The following COL26A1 variants were observed in gnomAD, a reference collection of about 807,000 sequenced individuals.
The protein encoded by COL26A1 is collagen type XXVI alpha 1 chain, also known as collagen alpha-1(XXVI) chain.
In COL26A1, 41 loss-of-function variants were observed where a neutral mutation model predicts 59.3. The ratio of observed to expected loss-of-function variants is 0.69; its 90% CI spans 0.54 to 0.90. The LOEUF (loss-of-function observed/expected upper bound fraction) is 0.90. Among genes scored for constraint, COL26A1 ranks in the 40% least tolerant of loss-of-function variants. The pLI, the probability that COL26A1 is intolerant of heterozygous loss-of-function variation, is 0.00. For synonymous variants in COL26A1, 266 were observed against 256.0 expected (o/e 1.04, Z -0.37); for missense variants, 612 against 602.3 (o/e 1.02, Z -0.17).
At chr7:101,510,855 T>C (rs1794906121) in intron 3 of COL26A1, among the ~76,000 whole-genome samples, 1 of 151,900 alleles carries the variant, frequency 6.6e-6, no homozygotes. Flanking sequence ...CACAAGGTGA[T>C]TCAGAGCACT....
intron 12 of COL26A1, 106 bp downstream of exon 12, chr7:101,555,977 C>T (rs117290094): frequency 0.031 from 27,555 of 891,448 alleles, 571 homozygotes; most frequent in Middle Eastern, 0.045. Flanking sequence ...CCCTCCCTTG[C>T]CCCTAGTCTG....
chr7:101,553,281 C>G, intron 10 of COL26A1, 45 bp from the exon 11 acceptor site: 1 of 1,553,638 alleles, frequency 6.4e-7, no homozygotes, highest in South Asian at 1.1e-5. Flanking sequence ...TGGAGAGGTG[C>G]CCCCACCTCC....
chr7:101,494,083 G>A (rs1459261053), intron 3 of COL26A1, among the ~76,000 whole-genome samples: 14 of 147,896 alleles, frequency 9.5e-5, no homozygotes, highest in Admixed American at 8.8e-4. Flanking sequence ...GTGTGAATTC[G>A]ATTGGGAACG....
intron 3 of COL26A1, among the ~76,000 whole-genome samples, chr7:101,475,872 CTTTCTCTTTCTCTCTCTT>C (rs770835655): frequency 0.018 from 2,559 of 145,058 alleles, 33 homozygotes; most frequent in Non-Finnish European, 0.028. Context: ...CTCTCTCTTT[CTTTCTCTTTCTCTCTCTT>C]TCTTTCTCTC....
chr7:101,513,173 A>ATTTTTTTG lies in COL26A1; in HGVS notation c.386-19907_386-19900dup, dbSNP rs549110807. ...AGGCATGCGCCACCACACCCGGCTA[A>ATTTTTTTG]TTTTTTTGTATTTTTGTAGAGACAG... On this transcript the variant is annotated intron_variant, in intron 3 of 12. Transcript: ENST00000313669. Among the ~76,000 whole-genome samples, 364 of 151,106 alleles carry ATTTTTTTG rather than the reference A, an allele frequency of 2.4e-3. 2 individuals are homozygous for ATTTTTTTG. Among genetic ancestry groups the ATTTTTTTG allele is most frequent in the African/African-American group, 8.5e-3 (352 of 41,184 alleles).
intron 3 of COL26A1, among the ~76,000 whole-genome samples, chr7:101,481,444 C>CAA (rs1491416338): frequency 1.7e-5 from 2 of 117,092 alleles, no homozygotes; most frequent in African/African-American, 6.8e-5. Flanking sequence ...TAGAATCTCC[C>CAA]AAAATATATA....
intron 2 of COL26A1, among the ~76,000 whole-genome samples, chr7:101,428,374 G>A (rs998472386): frequency 7.0e-6 from 1 of 142,492 alleles, no homozygotes; most frequent in East Asian, 2.0e-4. Flanking sequence ...AAAAAAAAAA[G>A]GCAAAGAGAA....
intron 1 of COL26A1, among the ~76,000 whole-genome samples, chr7:101,376,474 CCATT>C (rs1791321813): frequency 6.6e-6 from 1 of 152,092 alleles, no homozygotes; most frequent in African/African-American, 2.4e-5. Context: ...AGAGGAGTCT[CCATT>C]CAAAGCAGGT....
intron 2 of COL26A1, among the ~76,000 whole-genome samples, chr7:101,431,164 T>C (rs1176016755): frequency 6.6e-6 from 1 of 152,212 alleles, no homozygotes; most frequent in Non-Finnish European, 1.5e-5. Flanking sequence ...CTATGTTGAA[T>C]AGGAGTGGTA....
intron 3 of COL26A1, among the ~76,000 whole-genome samples, chr7:101,481,714 G>T (rs978387073): frequency 5.3e-5 from 8 of 151,674 alleles, no homozygotes; most frequent in Middle Eastern, 3.5e-3. Flanking sequence ...GTCTCCCAAA[G>T]TGCTGGGATT....
At chr7:101,492,479 C>T (rs11769737) in intron 3 of COL26A1, among the ~76,000 whole-genome samples, 128 of 151,852 alleles carry the variant, frequency 8.4e-4, no homozygotes, top group Non-Finnish European at 1.8e-3. Context: ...GGAGGATCAC[C>T]TGAGGTCAGG....
intron 1 of COL26A1, among the ~76,000 whole-genome samples, chr7:101,375,475 C>G (rs1387525429): frequency 1.1e-4 from 16 of 151,990 alleles, no homozygotes; most frequent in Non-Finnish European, 1.6e-4. Context: ...GCATGAGGAT[C>G]ACTTGAGACC....
intron 3 of COL26A1, among the ~76,000 whole-genome samples, chr7:101,490,114 T>C (rs1324808239): frequency 2.6e-5 from 4 of 151,228 alleles, no homozygotes; most frequent in Non-Finnish European, 5.9e-5. Flanking sequence ...TTTTTGTATT[T>C]TTCAGTAGAG....
At chr7:101,376,153 A>AG (rs1554402541) in intron 1 of COL26A1, among the ~76,000 whole-genome samples, 96 of 144,354 alleles carry the variant, frequency 6.7e-4, no homozygotes, top group African/African-American at 2.4e-3. Context: ...AAAAAAAAAA[A>AG]GAATAGAAAC....
At chr7:101,495,431 T>C (rs1794563885) in intron 3 of COL26A1, among the ~76,000 whole-genome samples, 1 of 150,474 alleles carries the variant, frequency 6.6e-6, no homozygotes, top group Non-Finnish European at 1.5e-5. Context: ...TTTTTTAAGA[T>C]GGAGTCTCGC....
In COL26A1 at chr7:101,557,294, C is replaced by T. The variant is rs185180190; in HGVS notation, c.1166-76C>T. ...CTGGGCAAGAGCATCTCTCCGTGGCCACATATCATGATCAAATGTACCCCC... is the reference window on the plus strand; with the variant it reads ...CTGGGCAAGAGCATCTCTCCGTGGCTACATATCATGATCAAATGTACCCCC... On this transcript the variant is annotated intron_variant, in intron 12 of 12. Coordinates refer to ENST00000313669, the MANE Select transcript of COL26A1 (RefSeq NM_001278563.3). 38 of 1,464,220 alleles carry T rather than the reference C, an allele frequency of 2.6e-5. No individual in the cohort carries two copies. The African/African-American group carries it at 5.1e-4, about 20-fold the overall frequency. The allele number at this position is 1,464,220 out of a possible 1,614,324, so 90.7% of individuals were successfully genotyped here. A position where few individuals can be genotyped will look rare whatever the true frequency, so the allele number is the denominator to read the frequency against.
intron 1 of COL26A1, among the ~76,000 whole-genome samples, chr7:101,393,195 G>A (rs998488358): frequency 6.6e-6 from 1 of 151,756 alleles, no homozygotes; most frequent in Admixed American, 6.6e-5. Context: ...GTACAGACAG[G>A]GTATATTAGT....
At chr7:101,540,537 T>TA (rs369850957) in intron 5 of COL26A1, among the ~76,000 whole-genome samples, 37,949 of 119,032 alleles carry the variant, frequency 0.32, 5,632 homozygotes, top group Middle Eastern at 0.36. Context: ...AAATTCCGTC[T>TA]AAAAAAAAAA....
intron 2 of COL26A1, among the ~76,000 whole-genome samples, chr7:101,428,424 C>T (rs1210191839): frequency 6.6e-6 from 1 of 151,140 alleles, no homozygotes; most frequent in Non-Finnish European, 1.5e-5. Flanking sequence ...CGGGAGTATG[C>T]ATGCATCGTA....
Sources: allele counts gnomAD v4.1 joint callset (sites outside exome capture counted in the v4.1 genomes callset), GRCh38; gene constraint gnomAD v4.1.1; transcripts MANE v1.5; gene names NCBI Gene and HGNC (gene_info 2026-07-23, HGNC 2026-07-21).